The following CTNNA2 variants were observed in gnomAD, a reference collection of about 807,000 sequenced individuals.
CTNNA2 encodes catenin alpha 2.
A neutral mutation model predicts 101.0 loss-of-function variants in CTNNA2; 42 were observed. The ratio of observed to expected loss-of-function variants is 0.42; its 90% CI spans 0.32 to 0.54. The LOEUF (loss-of-function observed/expected upper bound fraction) is 0.54. Ranked by LOEUF, CTNNA2 falls within the 20% of genes least tolerant of loss-of-function variation. The probability of loss-of-function intolerance (pLI) is 0.14; values close to 1 mark genes in which losing one functional copy is unlikely to be tolerated. For synonymous variants in CTNNA2, 450 were observed against 456.4 expected, an observed-to-expected ratio of 0.99 and a Z score of 0.18; for missense variants, 871 against 1,223.1, an observed-to-expected ratio of 0.71 and a Z score of 4.29.
At chr2:79,636,568 G>C (rs1199067182) in intron 1 of CTNNA2, among the ~76,000 whole-genome samples, 2 of 152,020 alleles carry the variant, frequency 1.3e-5, no homozygotes, top group African/African-American at 4.8e-5. Context: ...TCTGTGTGAT[G>C]AAATAAGATT....
intron 2 of CTNNA2, among the ~76,000 whole-genome samples, chr2:79,294,565 AC>A (rs1238365145): frequency 2.6e-5 from 4 of 152,102 alleles, no homozygotes; most frequent in African/African-American, 9.7e-5. Flanking sequence ...TCCTATCTTA[AC>A]CCTTTTTCAC....
At chr2:80,449,149 G>T (rs1387519495) in intron 9 of CTNNA2, among the ~76,000 whole-genome samples, 1 of 151,996 alleles carries the variant, frequency 6.6e-6, no homozygotes, top group East Asian at 1.9e-4. Flanking sequence ...CAGTGGTTTA[G>T]GCCTGTAATC....
chr2:80,021,590 T>C (rs970910868), intron 7 of CTNNA2, among the ~76,000 whole-genome samples: 1 of 152,182 alleles, frequency 6.6e-6, no homozygotes, highest in Non-Finnish European at 1.5e-5. Context: ...CTAATAGTAT[T>C]ATTTTATTTT....
intron 4 of CTNNA2, chr2:79,498,795 A>G (rs1316368681): frequency 6.6e-6 from 1 of 152,172 alleles, no homozygotes; most frequent in Non-Finnish European, 1.5e-5. Flanking sequence ...ATTATCCTGA[A>G]TTGTTAACAA....
intron 7 of CTNNA2, among the ~76,000 whole-genome samples, chr2:80,058,415 C>A (rs1345717034): frequency 6.6e-6 from 1 of 152,132 alleles, no homozygotes; most frequent in African/African-American, 2.4e-5. Context: ...CCTTTTTGAT[C>A]AAGGGCCTTT....
At chr2:80,372,671 T>G (rs1263722096) in intron 7 of CTNNA2, among the ~76,000 whole-genome samples, 1 of 150,220 alleles carries the variant, frequency 6.7e-6, no homozygotes, top group Non-Finnish European at 1.5e-5. Flanking sequence ...ATCTCTTCAT[T>G]GGGAAAACAG....
chr2:79,411,815 G>A (rs1285688847), intron 4 of CTNNA2, among the ~76,000 whole-genome samples: 3 of 152,026 alleles, frequency 2.0e-5, no homozygotes, highest in Non-Finnish European at 4.4e-5. Context: ...AGACTATCAA[G>A]ACTAGGAAGA....
intron 7 of CTNNA2, among the ~76,000 whole-genome samples, chr2:80,284,015 G>GTA (rs1674574013): frequency 6.6e-6 from 1 of 152,158 alleles, no homozygotes; most frequent in Admixed American, 6.5e-5. Flanking sequence ...ATTAGTGTGA[G>GTA]TAGAATGATC....
chr2:80,441,571 C>G (rs940118545), intron 9 of CTNNA2, among the ~76,000 whole-genome samples: 2 of 152,132 alleles, frequency 1.3e-5, no homozygotes, highest in African/African-American at 4.8e-5. Context: ...AATTATAATT[C>G]TTATACCACA....
chr2:80,105,231 T>C (rs1330301810), intron 7 of CTNNA2, among the ~76,000 whole-genome samples: 1 of 152,132 alleles, frequency 6.6e-6, no homozygotes, highest in South Asian at 2.1e-4. Context: ...AGTCATCGGC[T>C]CTCCAGGCCT....
At chr2:80,463,685 G>C (rs1431816254) in intron 9 of CTNNA2, among the ~76,000 whole-genome samples, 4 of 152,104 alleles carry the variant, frequency 2.6e-5, no homozygotes, top group African/African-American at 9.7e-5. Flanking sequence ...TATTGAATTT[G>C]ATTACATTAA....
intron 3 of CTNNA2, among the ~76,000 whole-genome samples, chr2:79,816,663 G>A (rs1677527805): frequency 6.6e-6 from 1 of 152,136 alleles, no homozygotes; most frequent in African/African-American, 2.4e-5. Context: ...TATGTGTTAG[G>A]TTGACCACAG....
intron 11 of CTNNA2, among the ~76,000 whole-genome samples, chr2:80,547,690 C>CTTTTTTTTTTTTTTTTTTTTT (rs61186189): frequency 3.2e-5 from 4 of 124,314 alleles, no homozygotes; most frequent in African/African-American, 6.8e-5. Flanking sequence ...GTCACTTCTG[C>CTTTTTTTTTTTTTTTTTTTTT]TTTTTTTTTT....
chr2:80,517,523 T>C (rs1435075797), intron 9 of CTNNA2, among the ~76,000 whole-genome samples: 1 of 152,224 alleles, frequency 6.6e-6, no homozygotes, highest in African/African-American at 2.4e-5. Context: ...CTGTAGGAGT[T>C]ACTCCTTTGA....
chr2:79,566,729 TATA>T, intron 1 of CTNNA2, among the ~76,000 whole-genome samples: 1 of 152,300 alleles, frequency 6.6e-6, no homozygotes, highest in Non-Finnish European at 1.5e-5. Context: ...AAAGTCCAAT[TATA>T]ATATTATTTT....
chr2:80,391,198 G>A (rs1677481445), intron 7 of CTNNA2, among the ~76,000 whole-genome samples: 3 of 151,062 alleles, frequency 2.0e-5, no homozygotes, highest in Admixed American at 2.0e-4. Flanking sequence ...GAGTTCCTTG[G>A]TGCCACCTTA....
intron 2 of CTNNA2, among the ~76,000 whole-genome samples, chr2:79,306,827 G>T (rs185108713): frequency 6.6e-6 from 1 of 152,268 alleles, no homozygotes; most frequent in African/African-American, 2.4e-5. Context: ...GCTATAAGAT[G>T]ATGTATTAAC....
At chr2:79,960,056 A>G (rs1340054057) in intron 7 of CTNNA2, among the ~76,000 whole-genome samples, 1 of 152,212 alleles carries the variant, frequency 6.6e-6, no homozygotes, top group Non-Finnish European at 1.5e-5. Flanking sequence ...GAGAAGGTGT[A>G]TTTATTGTTG....
intron 1 of CTNNA2, among the ~76,000 whole-genome samples, chr2:79,559,040 C>G (rs920800095): frequency 6.6e-6 from 1 of 151,848 alleles, no homozygotes; most frequent in Non-Finnish European, 1.5e-5. Flanking sequence ...TTCATACACT[C>G]AGCACCTATT....
Sources: allele counts gnomAD v4.1 joint callset (sites outside exome capture counted in the v4.1 genomes callset), GRCh38; gene constraint gnomAD v4.1.1; transcripts MANE v1.5; gene names NCBI Gene and HGNC (gene_info 2026-07-23, HGNC 2026-07-21).